Variants in VRK2 observed in about 807,000 individuals in gnomAD.
The protein encoded by VRK2 is serine/threonine-protein kinase VRK2.
A neutral mutation model predicts 57.6 loss-of-function variants in VRK2; 60 were observed. That is an observed-to-expected ratio of 1.04 (90% CI 0.85 to 1.29). The LOEUF (loss-of-function observed/expected upper bound fraction) is 1.29. VRK2 is among the 50% of genes most tolerant of loss of function. VRK2 has a pLI of 0.00. For missense variants in VRK2, 705 were observed against 588.1 expected (o/e 1.20, Z -2.06); for synonymous variants, 231 against 199.2 (o/e 1.16, Z -1.35).
chr2:58,118,166 C>G (rs1348415505), intron 7 of VRK2, among the ~76,000 whole-genome samples: 2 of 151,866 alleles, frequency 1.3e-5, no homozygotes, highest in Non-Finnish European at 1.5e-5. Context: ...TGCCCCTCCC[C>G]CAGAAAAGCA....
chr2:58,028,768 C>G (rs1387671338), intron 2 of VRK2, among the ~76,000 whole-genome samples: 1 of 150,192 alleles, frequency 6.7e-6, no homozygotes, highest in Non-Finnish European at 1.5e-5. Flanking sequence ...GATAGCATTA[C>G]GAGATATACC....
intron 1 of VRK2, among the ~76,000 whole-genome samples, chr2:57,998,894 G>A (rs1207930219): frequency 6.6e-6 from 1 of 152,198 alleles, no homozygotes; most frequent in African/African-American, 2.4e-5. Context: ...AATTCATTCT[G>A]AAGGTATCTG....
intron 7 of VRK2, among the ~76,000 whole-genome samples, chr2:58,094,255 C>T (rs1302402595): frequency 1.3e-5 from 2 of 152,156 alleles, no homozygotes; most frequent in African/African-American, 4.8e-5. Context: ...TTACCTTGGG[C>T]AGTATGGCCA....
At chr2:58,086,190 A>G in intron 4 of VRK2, 149 bp from the exon 5 acceptor site, 1 of 598,674 alleles carries the variant, frequency 1.7e-6, no homozygotes, top group Non-Finnish European at 2.9e-6. Flanking sequence ...GTTTGAGGCC[A>G]TTAGATAGAG....
intron 7 of VRK2, among the ~76,000 whole-genome samples, chr2:58,091,694 T>TA (rs534304828): frequency 8.8e-5 from 13 of 148,370 alleles, no homozygotes; most frequent in East Asian, 2.0e-4. Flanking sequence ...TAGCCGGTAC[T>TA]AAAAAAAAAA....
intron 2 of VRK2, among the ~76,000 whole-genome samples, chr2:58,029,245 C>T (rs963894560): frequency 6.6e-5 from 10 of 151,876 alleles, no homozygotes; most frequent in Non-Finnish European, 1.3e-4. Context: ...GATAAATCTC[C>T]AGGCATGAAG....
intron 7 of VRK2, among the ~76,000 whole-genome samples, chr2:58,102,885 C>CA (rs1674205714): frequency 6.6e-6 from 1 of 151,648 alleles, no homozygotes; most frequent in African/African-American, 2.4e-5. Flanking sequence ...TATCAAGTGT[C>CA]ATGTCAGACC....
intron 1 of VRK2, among the ~76,000 whole-genome samples, chr2:57,916,447 G>A (rs1398012902): frequency 6.7e-6 from 1 of 148,986 alleles, no homozygotes; most frequent in South Asian, 2.1e-4. Flanking sequence ...AAGAACCATA[G>A]TCAACTATGG....
At chr2:58,011,731 A>G (rs10201793) in intron 1 of VRK2, among the ~76,000 whole-genome samples, 13,080 of 152,224 alleles carry the variant, frequency 0.086, 1,976 homozygotes, top group African/African-American at 0.3. Flanking sequence ...AGGGAAAACC[A>G]AAAACAGTTC....
At chr2:58,003,924 A>G (rs1458503337) in intron 1 of VRK2, among the ~76,000 whole-genome samples, 1 of 152,148 alleles carries the variant, frequency 6.6e-6, no homozygotes, top group African/African-American at 2.4e-5. Context: ...GCCTTCCTAT[A>G]GATTGAATTC....
Position 58,159,483 on chromosome 2 carries a change from A to AGAT in VRK2, c.1318_1320dup (p.Asp440dup), listed in dbSNP as rs1558723275. ...AGCCTCATCAAGATTTTACCAGTCC[A>AGAT]GATATATTCAAGAAGTCAAGATCTC... On this transcript the variant is annotated inframe_insertion, in exon 13 of 13. Coordinates refer to ENST00000340157, the MANE Select transcript of VRK2 (RefSeq NM_006296.7). 1 of 1,613,742 alleles carries AGAT rather than the reference A, an allele frequency of 6.2e-7. No individual in the cohort carries two copies. The highest frequency in any genetic ancestry group is 8.5e-7 in the Non-Finnish European group (1 of 1,179,766).
chr2:58,128,296 TTGAA>T (rs1678660486), intron 8 of VRK2, among the ~76,000 whole-genome samples: 1 of 152,152 alleles, frequency 6.6e-6, no homozygotes, highest in Admixed American at 6.6e-5. Flanking sequence ...GTAATGTTGT[TTGAA>T]TGGTATTAAA....
chr2:57,931,015 A>G (rs1572874151), intron 1 of VRK2, among the ~76,000 whole-genome samples: 1 of 152,116 alleles, frequency 6.6e-6, no homozygotes, highest in East Asian at 1.9e-4. Context: ...TTATGCATTC[A>G]TATATTATAT....
chr2:58,111,044 A>T (rs994250288), intron 7 of VRK2, among the ~76,000 whole-genome samples: 2 of 152,120 alleles, frequency 1.3e-5, no homozygotes, highest in African/African-American at 4.8e-5. Flanking sequence ...TGATGGGATT[A>T]CACCTCAGTG....
intron 2 of VRK2, among the ~76,000 whole-genome samples, chr2:58,081,266 G>A (rs1156851761): frequency 6.6e-6 from 1 of 151,918 alleles, no homozygotes; most frequent in Non-Finnish European, 1.5e-5. Context: ...AGGATTGAGT[G>A]TGTGTGTGCA....
At chr2:58,003,139 C>T (rs557164222) in intron 1 of VRK2, among the ~76,000 whole-genome samples, 23 of 152,132 alleles carry the variant, frequency 1.5e-4, no homozygotes, top group African/African-American at 5.5e-4. Context: ...CTAAGCTTTA[C>T]AATAATCAAA....
At chr2:58,084,190 T>C (rs1671295168) in intron 3 of VRK2, 52 bp downstream of exon 3, 3 of 1,540,814 alleles carry the variant, frequency 1.9e-6, no homozygotes, top group Non-Finnish European at 1.8e-6. Context: ...TTTTTCCTTT[T>C]CTGCTTTAAG....
At chr2:57,941,009 G>C (rs889645755) in intron 1 of VRK2, among the ~76,000 whole-genome samples, 2 of 152,104 alleles carry the variant, frequency 1.3e-5, no homozygotes, top group Non-Finnish European at 2.9e-5. Context: ...AATGCCTCCT[G>C]AGAACAAGTA....
chr2:58,099,858 T>A (rs1673706100), intron 7 of VRK2, among the ~76,000 whole-genome samples: 1 of 152,180 alleles, frequency 6.6e-6, no homozygotes, highest in East Asian at 1.9e-4. Context: ...GTGTATAAAA[T>A]ATGAGATTTC....
Sources: gnomAD v4.1 joint callset for allele counts (sites outside exome capture counted in the v4.1 genomes callset) on GRCh38, gnomAD v4.1.1 for gene constraint, MANE v1.5 for transcripts, NCBI Gene and HGNC (gene_info 2026-07-23, HGNC 2026-07-21) for gene names.